The following GALNT13 variants were observed in gnomAD, a reference collection of about 807,000 sequenced individuals.
GALNT13 encodes the protein polypeptide N-acetylgalactosaminyltransferase 13, also known as UDP-GalNAc:polypeptide N-acetylgalactosaminyltransferase 13.
GALNT13 carries 28 observed loss-of-function variants against 64.2 expected under a neutral mutation model. The observed-to-expected ratio is 0.44, with a 90% CI of 0.32 to 0.60. The LOEUF (loss-of-function observed/expected upper bound fraction) is 0.60. Ranked by LOEUF, GALNT13 falls within the 20% of genes least tolerant of loss-of-function variation. The probability of loss-of-function intolerance (pLI) is 0.05; values close to 1 mark genes in which losing one functional copy is unlikely to be tolerated. For missense variants in GALNT13, 577 were observed against 669.8 expected (o/e 0.86, Z 1.53); for synonymous variants, 214 against 224.6 (o/e 0.95, Z 0.42).
chr2:153,477,020 CG>C, the GALNT13 span, among the ~76,000 whole-genome samples: 1 of 152,208 alleles, frequency 6.6e-6, no homozygotes, highest in South Asian at 2.1e-4. Context: ...GAGCCTGGCA[CG>C]GAAGTGTAAT....
the GALNT13 span, among the ~76,000 whole-genome samples, chr2:153,465,293 G>C: frequency 6.6e-6 from 1 of 152,014 alleles, no homozygotes; most frequent in Non-Finnish European, 1.5e-5. Flanking sequence ...ACAGTAGCAA[G>C]AACCTCATAT....
chr2:154,163,321 A>T (rs1684846484), intron 4 of GALNT13, among the ~76,000 whole-genome samples: 8 of 152,038 alleles, frequency 5.3e-5, no homozygotes, highest in Admixed American at 5.2e-4. Flanking sequence ...TTTTTTGCAA[A>T]GATCAACAAA....
intron 3 of GALNT13, among the ~76,000 whole-genome samples, chr2:154,032,987 T>C (rs1698437664): frequency 6.6e-6 from 1 of 151,678 alleles, no homozygotes; most frequent in Non-Finnish European, 1.5e-5. Flanking sequence ...CATTACTGTA[T>C]GTAAATAGAT....
intron 3 of GALNT13, among the ~76,000 whole-genome samples, chr2:154,041,428 T>G (rs1222684354): frequency 7.1e-6 from 1 of 140,538 alleles, no homozygotes; most frequent in Non-Finnish European, 1.6e-5. Context: ...CCTTCTAAAT[T>G]TCACGCTTTT....
chr2:154,450,302 A>G (rs183924641), intron 12 of GALNT13, 109 bp from the exon 13 acceptor site: 4 of 916,828 alleles, frequency 4.4e-6, no homozygotes, highest in Non-Finnish European at 6.6e-6. Context: ...ATCACAGTGT[A>G]TTATACTATA....
the GALNT13 span, among the ~76,000 whole-genome samples, chr2:153,863,470 A>G: frequency 1.3e-5 from 2 of 152,146 alleles, no homozygotes; most frequent in African/African-American, 4.8e-5. Context: ...AATTATGAGT[A>G]AAGCCTCAAA....
chr2:153,596,032 C>A, the GALNT13 span, among the ~76,000 whole-genome samples: 1 of 152,146 alleles, frequency 6.6e-6, no homozygotes, highest in African/African-American at 2.4e-5. Context: ...GGGTATATGA[C>A]CATCTGAAGG....
chr2:153,336,858 G>A, the GALNT13 span, among the ~76,000 whole-genome samples: 2 of 152,272 alleles, frequency 1.3e-5, no homozygotes, highest in Non-Finnish European at 2.9e-5. Context: ...CCCATGTATT[G>A]TGGGAGGGAC....
At chr2:153,430,532 GA>G in the GALNT13 span, among the ~76,000 whole-genome samples, 25 of 134,802 alleles carry the variant, frequency 1.9e-4, 1 homozygote, top group South Asian at 5.5e-3. Flanking sequence ...GGTAGGGAGA[GA>G]GAGAGAGAGA....
intron 8 of GALNT13, among the ~76,000 whole-genome samples, chr2:154,261,153 A>T (rs544183137): frequency 1.1e-4 from 17 of 152,284 alleles, no homozygotes; most frequent in African/African-American, 3.8e-4. Flanking sequence ...GATATGATAG[A>T]TGATGCAGAT....
chr2:153,181,030 C>CTTTTTTTTTTTTTTTTTTT, the GALNT13 span, among the ~76,000 whole-genome samples: 101 of 32,068 alleles, frequency 3.1e-3, 8 homozygotes, highest in Non-Finnish European at 4.2e-3. Context: ...TTTATTGTTT[C>CTTTTTTTTTTTTTTTTTTT]TTTTTTTTTT....
chr2:153,521,529 A>C, the GALNT13 span, among the ~76,000 whole-genome samples: 1 of 152,206 alleles, frequency 6.6e-6, no homozygotes, highest in Non-Finnish European at 1.5e-5. Context: ...TGACGAACCC[A>C]CAATGACACA....
intron 7 of GALNT13, among the ~76,000 whole-genome samples, chr2:154,252,778 GA>G (rs1256263147): frequency 2.7e-5 from 4 of 145,504 alleles, no homozygotes; most frequent in Non-Finnish European, 1.5e-5. Context: ...TAGATAGATA[GA>G]TAATAGATAA....
the GALNT13 span, among the ~76,000 whole-genome samples, chr2:153,437,914 C>T: frequency 2.6e-5 from 4 of 152,342 alleles, no homozygotes; most frequent in Admixed American, 2.6e-4. Context: ...GCAGTTTCTT[C>T]CTAGCCTCGA....
At chr2:153,854,506 G>A in the GALNT13 span, among the ~76,000 whole-genome samples, 9 of 151,888 alleles carry the variant, frequency 5.9e-5, no homozygotes, top group Non-Finnish European at 7.4e-5. Flanking sequence ...ACTTGAACCC[G>A]GGAGGTGGAG....
chr2:154,307,038 T>G (rs1693779344), intron 9 of GALNT13, among the ~76,000 whole-genome samples: 1 of 152,060 alleles, frequency 6.6e-6, no homozygotes, highest in Admixed American at 6.6e-5. Context: ...CAAAATTAGT[T>G]TGGCCTGCAC....
At chr2:153,377,639 G>A in the GALNT13 span, among the ~76,000 whole-genome samples, 296 of 152,252 alleles carry the variant, frequency 1.9e-3, 1 homozygote, top group African/African-American at 6.4e-3. Flanking sequence ...ACCCTCACCA[G>A]AAGATAACCA....
intron 3 of GALNT13, among the ~76,000 whole-genome samples, chr2:153,988,958 T>C (rs1372019052): frequency 6.6e-6 from 1 of 151,882 alleles, no homozygotes; most frequent in Non-Finnish European, 1.5e-5. Flanking sequence ...AATTGAACCT[T>C]AAAAGTGGGA....
At chr2:153,798,353 G>C in the GALNT13 span, among the ~76,000 whole-genome samples, 1 of 152,084 alleles carries the variant, frequency 6.6e-6, no homozygotes, top group Non-Finnish European at 1.5e-5. Context: ...AATATAGTTT[G>C]AGTAGAGCAA....
Sources: gnomAD v4.1 joint callset for allele counts (sites outside exome capture counted in the v4.1 genomes callset) on GRCh38, gnomAD v4.1.1 for gene constraint, MANE v1.5 for transcripts, NCBI Gene and HGNC (gene_info 2026-07-23, HGNC 2026-07-21) for gene names.